The following SHROOM2 variants were observed in gnomAD, a reference collection of about 807,000 sequenced individuals.
The protein encoded by SHROOM2 is protein Shroom2.
A neutral mutation model predicts 75.9 loss-of-function variants in SHROOM2; 33 were observed. That is an observed-to-expected ratio of 0.43 (90% CI 0.33 to 0.58). The LOEUF (loss-of-function observed/expected upper bound fraction) is 0.58. SHROOM2 is among the 20% of genes least tolerant of loss of function. The pLI is 0.04. For missense variants in SHROOM2, 1,434 were observed against 1,461.2 expected, an observed-to-expected ratio of 0.98 and a Z score of 0.30; for synonymous variants, 655 against 663.6, an observed-to-expected ratio of 0.99 and a Z score of 0.20.
At chrX:9,864,904 T>C (rs1204117697) in intron 1 of SHROOM2, among the ~76,000 whole-genome samples, 1 of 111,768 alleles carries the variant, frequency 8.9e-6, no homozygotes, top group South Asian at 3.7e-4. Flanking sequence ...TCCCACCTTC[T>C]TGGGAGGCTG....
At chrX:9,911,486 G>C (rs999301027) in intron 5 of SHROOM2, among the ~76,000 whole-genome samples, 1 of 111,912 alleles carries the variant, frequency 8.9e-6, no homozygotes, top group African/African-American at 3.3e-5. Flanking sequence ...GAACAGGTTG[G>C]AAAGAGAAAC....
At chrX:9,859,959 T>A (rs1350170326) in intron 1 of SHROOM2, among the ~76,000 whole-genome samples, 1 of 111,947 alleles carries the variant, frequency 8.9e-6, no homozygotes, top group Non-Finnish European at 1.9e-5. Context: ...AAAGCGTGAC[T>A]TTAGAGGTGC....
intron 1 of SHROOM2, among the ~76,000 whole-genome samples, chrX:9,828,113 A>AGGGGAAT (rs1042324204): frequency 5.3e-5 from 6 of 112,856 alleles, no homozygotes; most frequent in African/African-American, 1.9e-4. Context: ...TCATGGTGGA[A>AGGGGAAT]GGGGAATACG....
intron 1 of SHROOM2, among the ~76,000 whole-genome samples, chrX:9,800,472 C>G (rs991941260): frequency 9.1e-6 from 1 of 110,348 alleles, no homozygotes; most frequent in East Asian, 2.8e-4. Context: ...TCCCAAGTAG[C>G]TGGGATTACA....
chrX:9,881,295 G>T (rs12389863), intron 2 of SHROOM2, among the ~76,000 whole-genome samples: 6,662 of 111,625 alleles, frequency 0.06, 475 homozygotes, highest in African/African-American at 0.21. Flanking sequence ...TGACAAAGAA[G>T]AGGAAGGAAT....
At chrX:9,805,711 G>A (rs2083747571) in intron 1 of SHROOM2, among the ~76,000 whole-genome samples, 1 of 111,334 alleles carries the variant, frequency 9.0e-6, no homozygotes, top group East Asian at 2.8e-4. Context: ...AGGCCAAGAT[G>A]GGCTGATTTT....
intron 4 of SHROOM2, among the ~76,000 whole-genome samples, chrX:9,896,963 T>A (rs1430901134): frequency 8.9e-6 from 1 of 112,389 alleles, no homozygotes; most frequent in Non-Finnish European, 1.9e-5. Context: ...AGTTTCCCCT[T>A]AAGTAGCTTG....
intron 1 of SHROOM2, among the ~76,000 whole-genome samples, chrX:9,817,743 T>G (rs1200722029): frequency 1.8e-5 from 2 of 112,302 alleles, no homozygotes; most frequent in Non-Finnish European, 3.8e-5. Context: ...TGTAGTACTA[T>G]TTCTTAATGG....
intron 1 of SHROOM2, among the ~76,000 whole-genome samples, chrX:9,865,877 G>C (rs1290712431): frequency 9.1e-6 from 1 of 109,857 alleles, no homozygotes; most frequent in Non-Finnish European, 1.9e-5. Context: ...GCCTTTTTGG[G>C]CTTCATTTCC....
At chrX:9,891,891 G>T (rs2084295474) in intron 3 of SHROOM2, among the ~76,000 whole-genome samples, 2 of 107,119 alleles carry the variant, frequency 1.9e-5, no homozygotes, top group Admixed American at 2.0e-4. Flanking sequence ...GTGTGTGTGT[G>T]TGCGCGTGCG....
chrX:9,893,289 A>G (rs1027751909), intron 3 of SHROOM2, among the ~76,000 whole-genome samples: 4 of 111,166 alleles, frequency 3.6e-5, no homozygotes, highest in East Asian at 2.8e-4. Flanking sequence ...AAGTTTTTAT[A>G]GAGATGGGGG....
Position 9,813,832 on chromosome X carries a change from G to A in SHROOM2, c.165+27122G>A, listed in dbSNP as rs149700134. Among the ~76,000 whole-genome samples the A allele has an allele frequency of 1.8e-3, 202 of 112,079 alleles. 1 individual carries two copies. In the Middle Eastern group the frequency reaches 0.023, roughly 13 times the overall value. On this transcript the variant is annotated intron_variant, in intron 1 of 9. Coordinates refer to ENST00000380913, the MANE Select transcript of SHROOM2 (RefSeq NM_001649.4). ...CACGAGTCAGACTATTCTGATTGCC[G>A]CTTTGCCTCTGCTGTCCATTATGGT... is the stretch of plus-strand genomic sequence containing the variant.
intron 1 of SHROOM2, among the ~76,000 whole-genome samples, chrX:9,812,993 C>A (rs2083800095): frequency 8.9e-6 from 1 of 112,178 alleles, no homozygotes; most frequent in East Asian, 2.8e-4. Flanking sequence ...TGTCATTCTC[C>A]AAGATCCATC....
chrX:9,853,230 C>T (rs1473963656), intron 1 of SHROOM2, among the ~76,000 whole-genome samples: 1 of 111,500 alleles, frequency 9.0e-6, no homozygotes. Flanking sequence ...CGTGTGTGAG[C>T]AGCCAGTGAG....
chrX:9,888,367 G>A (rs1212803182), intron 2 of SHROOM2, among the ~76,000 whole-genome samples: 1 of 112,295 alleles, frequency 8.9e-6, no homozygotes, highest in East Asian at 2.8e-4. Context: ...CTTTCCATAC[G>A]GCCTTATCCA....
chrX:9,860,011 A>G (rs1386446340), intron 1 of SHROOM2, among the ~76,000 whole-genome samples: 1 of 111,757 alleles, frequency 8.9e-6, no homozygotes, highest in African/African-American at 3.3e-5. Context: ...ATGGGTGACC[A>G]TTTCTAATAC....
chrX:9,786,687 G>T lies in SHROOM2; in HGVS notation c.142G>T (p.Gly48Cys), dbSNP rs1010326857. The stretch of plus-strand genomic sequence containing the variant: ...CACCCTGAAGGGCGGCCGCGAGCAC[G>T]GCGAGCCGCTGGTCATCACCAAGGT... Reference protein sequence around the residue: ...GFTLKGGREHGEPLVITKIEE... With the variant: ...GFTLKGGREHCEPLVITKIEE... Residue 48 changes from glycine to cysteine, a missense_variant, in exon 1 of 10, where the codon GGC becomes TGC. Transcript: ENST00000380913. The T allele has an allele frequency of 1.1e-6, 1 of 888,579 alleles. No individual in the cohort carries two copies. The highest frequency in any genetic ancestry group is 1.4e-6 in the Non-Finnish European group (1 of 724,315). The allele number at this position is 888,579 out of a possible 1,213,427, so 73.2% of individuals were successfully genotyped here.
chrX:9,902,645 C>T (rs2084371088), intron 5 of SHROOM2, among the ~76,000 whole-genome samples: 1 of 112,287 alleles, frequency 8.9e-6, no homozygotes, highest in Admixed American at 9.4e-5. Context: ...TTTGGTAGCA[C>T]AGATTTGTTT....
chrX:9,878,019 A>G (rs2084210656), intron 2 of SHROOM2, among the ~76,000 whole-genome samples: 1 of 112,166 alleles, frequency 8.9e-6, no homozygotes, highest in South Asian at 3.7e-4. Flanking sequence ...CTCCCTTCAG[A>G]GGCAAATGGC....
Sources: allele counts gnomAD v4.1 joint callset (sites outside exome capture counted in the v4.1 genomes callset), GRCh38; gene constraint gnomAD v4.1.1; transcripts MANE v1.5; gene names NCBI Gene and HGNC (gene_info 2026-07-23, HGNC 2026-07-21).